The following SETD5 variants were observed in gnomAD, a reference collection of about 807,000 sequenced individuals.
SETD5 encodes the protein histone-lysine N-methyltransferase SETD5.
Under a neutral mutation model 153.3 loss-of-function variants are expected in SETD5, and 44 were observed. The ratio of observed to expected loss-of-function variants is 0.29; its 90% CI spans 0.23 to 0.37. SETD5 has a LOEUF of 0.37. SETD5 is among the 10% of genes least tolerant of loss of function. The pLI is 1.00. For synonymous variants in SETD5, 716 were observed against 645.2 expected (o/e 1.11, Z -1.66); for missense variants, 1,544 against 1,768.0 (o/e 0.87, Z 2.27).
intron 6 of SETD5, among the ~76,000 whole-genome samples, chr3:9,435,223 A>G (rs965652534): frequency 6.7e-6 from 1 of 148,682 alleles, no homozygotes; most frequent in Non-Finnish European, 1.5e-5. Flanking sequence ...AGCCTGGGCA[A>G]CAAGAGCAAA....
intron 7 of SETD5, among the ~76,000 whole-genome samples, chr3:9,438,343 A>G (rs1433933616): frequency 8.5e-5 from 13 of 152,206 alleles, no homozygotes; most frequent in Admixed American, 8.5e-4. Context: ...TTGGAGGCAG[A>G]TAATAGCCCT....
chr3:9,410,180 A>C (rs1283498892), intron 1 of SETD5, among the ~76,000 whole-genome samples: 2 of 152,216 alleles, frequency 1.3e-5, no homozygotes, highest in African/African-American at 4.8e-5. Flanking sequence ...TCTGTGCAGC[A>C]TGTGACCACT....
intron 9 of SETD5, 105 bp downstream of exon 9, chr3:9,441,846 T>A: frequency 7.1e-7 from 1 of 1,408,296 alleles, no homozygotes; most frequent in Admixed American, 1.9e-5. Flanking sequence ...GAGAAAAAAA[T>A]CACAACTCAG....
rs1174695466 is a variant in SETD5, at chr3:9,434,421, G to T, written c.265G>T (p.Val89Leu). The T allele has an allele frequency of 1.2e-5, 19 of 1,613,854 alleles. No homozygotes were observed. In the Admixed American group the frequency reaches 2.3e-4, roughly 20 times the overall value. ...GDSPNSEGET[V>L]PTWCPCGLSQ... ...CAGCCCGAACTCTGAAGGAGAAACT[G>T]TACCTACCTGGTGTCCTTGTGGTCT... The change falls in exon 5 of 23, where the codon GTA becomes TTA. Residue 89 changes from valine (V) to leucine (L), a missense_variant. Physicochemically the swap from Val to Leu is conservative, Grantham distance 32. This residue lies in a region of SETD5 where 251 missense variants were observed against 326.9 expected (regional missense o/e 0.77). Coordinates refer to ENST00000402198, the MANE Select transcript of SETD5 (RefSeq NM_001080517.3). The surrounding 1 kb of genome is among the most constrained non-coding windows in gnomAD (Gnocchi z 5.6).
intron 19 of SETD5, among the ~76,000 whole-genome samples, chr3:9,471,574 G>A (rs1186416281): frequency 6.6e-6 from 1 of 152,252 alleles, no homozygotes; most frequent in South Asian, 2.1e-4. Context: ...TCAGGTGGAA[G>A]GCCGGGGGAG....
At chr3:9,455,081 C>A (rs570607690) in intron 17 of SETD5, among the ~76,000 whole-genome samples, 3 of 150,518 alleles carry the variant, frequency 2.0e-5, no homozygotes, top group Admixed American at 6.6e-5. Context: ...AAAATCAGAA[C>A]TTTTCTTAAA....
Position 9,434,874 on chromosome 3 carries a change from A to G in SETD5, c.380A>G (p.Asn127Ser), listed in dbSNP as rs1026956871. Reference protein sequence around the residue: ...VIRLHRRKQDNISGGDSSATE... With the variant: ...VIRLHRRKQDSISGGDSSATE... ...AGACTTCATCGGCGGAAGCAGGACA[A>G]CATATCAGGTGAGCGGAAGATGGGT... The change falls in exon 6 of 23, where the codon AAC (asparagine) becomes AGC (serine). Residue 127 changes from asparagine (N) to serine (S), a missense_variant. By Grantham distance (46) the Asn-to-Ser change is conservative. Transcript: ENST00000402198. This position sits in a 1 kb window ranked among gnomAD's most constrained non-coding sequence, Gnocchi z 5.6. The G allele has an allele frequency of 5.6e-6, 9 of 1,613,512 alleles. No homozygotes were observed. The highest frequency in any genetic ancestry group is 1.1e-5 in the South Asian group (1 of 90,900).
chr3:9,468,796 TTGTGTGTGTGTGTGTTG>T (rs1477257173), intron 18 of SETD5, among the ~76,000 whole-genome samples: 2 of 150,526 alleles, frequency 1.3e-5, no homozygotes, highest in Non-Finnish European at 3.0e-5. Context: ...GCGTGTGTGT[TTGTGTGTGTGTGTGTTG>T]TGTGTGTGTT....
chr3:9,440,725 C>CTT, intron 8 of SETD5, 27 bp downstream of exon 8: 1 of 1,599,730 alleles, frequency 6.3e-7, no homozygotes. Flanking sequence ...TGAGGACTCT[C>CTT]TAAGTAGCTG....
In SETD5 at chr3:9,475,472, A is replaced by C. The variant is rs772886558; in HGVS notation, c.3721-11A>C. 3 of 1,599,092 alleles carry C rather than the reference A, an allele frequency of 1.9e-6. No individual in the cohort carries two copies. Among genetic ancestry groups the C allele is most frequent in the Non-Finnish European group, 2.6e-6 (3 of 1,169,226 alleles). On this transcript the variant is annotated splice_polypyrimidine_tract_variant and intron_variant, in intron 22 of 22. Transcript: ENST00000402198. ...TCGCGTCCTTATTCGTTTCCTCCCA[A>C]CTTTGTCTAGCTCCTGCAGTGTGAT...
chr3:9,420,210 TTAAAA>T (rs1219220257), intron 1 of SETD5, among the ~76,000 whole-genome samples: 1 of 152,152 alleles, frequency 6.6e-6, no homozygotes, highest in Non-Finnish European at 1.5e-5. Context: ...TTCTTCAGTG[TTAAAA>T]TAATTTATGA....
rs531508056 is a variant in SETD5 at position 9,474,722 on chromosome 3, T to A, written c.3631+140T>A. ...ACCGCATGCTAGGTTCCAGCCCACTTATGCTCATTTGGGCTACCACATTTG... is the reference window on the plus strand; with the variant it reads ...ACCGCATGCTAGGTTCCAGCCCACTAATGCTCATTTGGGCTACCACATTTG... On this transcript the variant is annotated intron_variant, in intron 21 of 22. Transcript: ENST00000402198. 3.4e-5 allele frequency: 40 copies of A among 1,190,090 alleles called. No individual in the cohort carries two copies. The South Asian group carries it at 5.8e-4, about 17-fold the overall frequency. 73.7% of individuals were successfully genotyped at this position (1,190,090 alleles called of 1,614,324 possible).
chr3:9,433,591 C>G lies in SETD5; in HGVS notation c.72-254C>G, dbSNP rs759222474. On this transcript the variant is annotated intron_variant, in intron 3 of 22. Coordinates refer to ENST00000402198, the MANE Select transcript of SETD5 (RefSeq NM_001080517.3). ...CGTTTGTGTTTGTCATTAGGGACAC[C>G]TTGTATCTCAGGTGCCTGCCTTCAG... 4.0e-4 allele frequency: 514 copies of G among 1,270,066 alleles called. 1 individual carries two copies. The highest frequency in any genetic ancestry group is 2.4e-3 in the Middle Eastern group (9 of 3,760). The allele number at this position is 1,270,066 out of a possible 1,614,324, so 78.7% of individuals were successfully genotyped here.
chr3:9,430,179 G>T (rs1440330944), intron 3 of SETD5: 4 of 1,008,812 alleles, frequency 4.0e-6, no homozygotes, highest in African/African-American at 1.7e-5. Flanking sequence ...ATTAATAAGT[G>T]GTTTTCTTCC....
rs2040333309 is a variant in SETD5, at chr3:9,434,481, T to G, written c.325T>G (p.Cys109Gly). 6.2e-7 allele frequency: 1 copy of G among 1,613,834 alleles called. No homozygotes were observed. Among genetic ancestry groups the G allele is most frequent in the Non-Finnish European group, 8.5e-7 (1 of 1,179,882 alleles). The part of the protein sequence containing the change: ...QDGFLLNCDK[C>G]RGMSRGKVIR... ...TGGCTTCCTTCTCAACTGTGACAAG[T>G]GCAGGTAAGATCCTGTTCCATCTAA... The change falls in exon 5 of 23, where the codon TGC becomes GGC. Residue 109 changes from cysteine to glycine, a missense_variant. Physicochemically the swap from Cys to Gly is radical, Grantham distance 159. This residue lies in a region of SETD5 where 251 missense variants were observed against 326.9 expected (regional missense o/e 0.77). Transcript: ENST00000402198. The surrounding 1 kb of genome is among the most constrained non-coding windows in gnomAD (Gnocchi z 5.6).
chr3:9,456,253 A>G (rs1253091127), intron 17 of SETD5, among the ~76,000 whole-genome samples: 1 of 152,100 alleles, frequency 6.6e-6, no homozygotes, highest in African/African-American at 2.4e-5. Context: ...AGGTGGGCGG[A>G]TCATCTGAGG....
Position 9,447,127 on chromosome 3 carries a change from G to A in SETD5, c.1602G>A (p.Gln534=). The change falls in exon 14 of 23, where the codon CAG becomes CAA. Residue 534 remains glutamine, a synonymous_variant. Coordinates refer to ENST00000402198, the MANE Select transcript of SETD5 (RefSeq NM_001080517.3). The part of the protein sequence containing the change: ...NLEKRKKRRD[Q]PLEQSNSDVE... ...AGAAAAGAAAGAAGCGGCGGGATCA[G>A]CCCTTGGAACAGAGCAACTCTGATG... 4 of 1,614,008 alleles carry A rather than the reference G, an allele frequency of 2.5e-6. No homozygotes were observed. Among genetic ancestry groups the A allele is most frequent in the South Asian group, 1.1e-5 (1 of 91,086 alleles).
chr3:9,450,388 A>G (rs2042479244), intron 16 of SETD5, among the ~76,000 whole-genome samples: 1 of 152,240 alleles, frequency 6.6e-6, no homozygotes, highest in South Asian at 2.1e-4. Flanking sequence ...TATCATAACA[A>G]GACTATTTAA....
chr3:9,449,037 G>GA (rs1040287831), intron 16 of SETD5, among the ~76,000 whole-genome samples: 3 of 152,092 alleles, frequency 2.0e-5, no homozygotes, highest in Admixed American at 2.0e-4. Flanking sequence ...TTGCATAAAT[G>GA]AAAAAAATTA....
Sources: allele counts gnomAD v4.1 joint callset (sites outside exome capture counted in the v4.1 genomes callset), GRCh38; gene constraint gnomAD v4.1.1; regional missense constraint gnomAD v4.1.1; non-coding constraint Gnocchi (gnomAD v3.1); transcripts MANE v1.5; gene names NCBI Gene and HGNC (gene_info 2026-07-23, HGNC 2026-07-21).